The following CXXC4 variants were observed in gnomAD, a reference collection of about 807,000 sequenced individuals.
The protein encoded by CXXC4 is CXXC-type zinc finger protein 4.
A neutral mutation model predicts 20.5 loss-of-function variants in CXXC4; 5 were observed. The observed-to-expected ratio is 0.24, with a 90% CI of 0.13 to 0.51. The LOEUF is 0.51. Ranked by LOEUF, CXXC4 falls within the 20% of genes least tolerant of loss-of-function variation. The pLI, the probability that CXXC4 is intolerant of heterozygous loss-of-function variation, is 0.97. For synonymous variants in CXXC4, 250 were observed against 216.4 expected (o/e 1.16, Z -1.36); for missense variants, 419 against 496.4 (o/e 0.84, Z 1.48).
chr4:104,493,527 C>T (rs1264509106), intron 1 of CXXC4, among the ~76,000 whole-genome samples: 2 of 152,074 alleles, frequency 1.3e-5, no homozygotes, highest in Admixed American at 6.5e-5. Context: ...TGATGAGGTG[C>T]TCTAAAAAGA....
At chr4:104,478,590 A>ATAC (rs1736476655) in intron 2 of CXXC4, among the ~76,000 whole-genome samples, 1 of 152,170 alleles carries the variant, frequency 6.6e-6, no homozygotes, top group South Asian at 2.1e-4. Context: ...TTTCGTAAAA[A>ATAC]TACTTCAAAC....
Position 104,491,557 on chromosome 4 carries a change from C to A in CXXC4, c.246G>T (p.Ala82=). 1 of 1,500,940 alleles carries A rather than the reference C, an allele frequency of 6.7e-7. No individual in the cohort carries two copies. The allele number at this position is 1,500,940 out of a possible 1,614,324, so 93.0% of individuals were successfully genotyped here. ...PSSAAAAAAA[A]RIGMSPWNCD... ...AGTTCCAGGGGGACATGCCGATGCG[C>A]GCGGCGGCCGCGGCGGCGGCGGCGC... Residue 82 remains alanine, a synonymous_variant, in exon 2 of 3, where the codon GCG becomes GCT. Coordinates refer to ENST00000394767, the MANE Select transcript of CXXC4 (RefSeq NM_025212.4).
intron 2 of CXXC4, among the ~76,000 whole-genome samples, chr4:104,479,417 ATATT>A (rs1736499400): frequency 6.6e-6 from 1 of 152,152 alleles, no homozygotes; most frequent in Non-Finnish European, 1.5e-5. Context: ...GATCTGATAA[ATATT>A]TATTTCTTAA....
rs1314277040 is a variant in CXXC4, at chr4:104,471,841, T to C, written c.*481A>G. On this transcript the variant is annotated 3_prime_UTR_variant, in exon 3 of 3. Coordinates refer to ENST00000394767, the MANE Select transcript of CXXC4 (RefSeq NM_025212.4). ...AGATTTAACTTGCAGAACCATACTG[T>C]TGTGTACAAACTGTTAATCTCCATA... 2 of 152,242 alleles carry C rather than the reference T, an allele frequency of 1.3e-5. No homozygotes were observed. Among genetic ancestry groups the C allele is most frequent in the South Asian group, 2.1e-4 (1 of 4,838 alleles). The allele number at this position is 152,242 out of a possible 1,614,324, so 9.4% of individuals were successfully genotyped here.
At chr4:104,493,430 T>C (rs754047327) in intron 1 of CXXC4, among the ~76,000 whole-genome samples, 8 of 152,186 alleles carry the variant, frequency 5.3e-5, no homozygotes, top group Non-Finnish European at 1.2e-4. Context: ...GAGTTCAAAA[T>C]GGTTATCAAT....
intron 2 of CXXC4, among the ~76,000 whole-genome samples, chr4:104,487,536 G>A (rs768753359): frequency 6.6e-5 from 10 of 152,156 alleles, no homozygotes; most frequent in Admixed American, 2.6e-4. Flanking sequence ...GAGACAAAGT[G>A]TTATCATGTA....
At position 104,477,652 on chromosome 4, in the gene CXXC4, G is replaced by T. The variant is rs966032959; in HGVS notation, c.1060-5286C>A. ...AGTAAAGTATAGGCTAATAATATAA[G>T]AGAACTATTAATGATTATCACACAG... On this transcript the variant is annotated intron_variant, in intron 2 of 2. Transcript: ENST00000394767. Among the ~76,000 whole-genome samples, 6 of 151,768 alleles carry T rather than the reference G, an allele frequency of 4.0e-5. No homozygotes were observed. In the South Asian group the frequency reaches 1.2e-3, roughly 32 times the overall value.
At chr4:104,479,771 TTCCCTCCC>T (rs535320231) in intron 2 of CXXC4, among the ~76,000 whole-genome samples, 1 of 144,038 alleles carries the variant, frequency 6.9e-6, no homozygotes, top group African/African-American at 2.5e-5. Flanking sequence ...CCTTCCTTCC[TTCCCTCCC>T]TCCCTCCCTC....
chr4:104,479,846 C>T (rs1736510006), intron 2 of CXXC4, among the ~76,000 whole-genome samples: 2 of 141,664 alleles, frequency 1.4e-5, no homozygotes, highest in Admixed American at 1.4e-4. Flanking sequence ...TCCCTTTATT[C>T]CTTCCTTTCA....
chr4:104,484,552 T>C (rs934830100), intron 2 of CXXC4, among the ~76,000 whole-genome samples: 1 of 151,958 alleles, frequency 6.6e-6, no homozygotes, highest in Non-Finnish European at 1.5e-5. Context: ...TAGTGGGAAA[T>C]AAATGGGTTA....
At position 104,469,324 on chromosome 4, in the gene CXXC4, C is replaced by T. The variant is rs572779132; in HGVS notation, c.*2998G>A. ...CGCCTCAAGTATTTACCATGATCTC[C>T]CCAAATGCTGGCAGATTATGGCATC... On this transcript the variant is annotated 3_prime_UTR_variant, in exon 3 of 3. Transcript: ENST00000394767. 1 of 152,062 alleles carries T rather than the reference C, an allele frequency of 6.6e-6. No homozygotes were observed. The highest frequency in any genetic ancestry group is 2.1e-4 in the South Asian group (1 of 4,816). 9.4% of individuals were successfully genotyped at this position (152,062 alleles called of 1,614,324 possible). A position where few individuals can be genotyped will look rare whatever the true frequency, so the allele number is the denominator to read the frequency against.
chr4:104,491,533 G>A lies in CXXC4; in HGVS notation c.270C>T (p.Asn90=). The change falls in exon 2 of 3, where the codon AAC becomes AAT. Residue 90 remains asparagine, a synonymous_variant. Transcript: ENST00000394767. ...CGGCGGCGGTGGCCGCGTTGTCGCA[G>A]TTCCAGGGGGACATGCCGATGCGCG... ...AAARIGMSPW[N]CDNAATAAAA... 2 of 1,435,556 alleles carry A rather than the reference G, an allele frequency of 1.4e-6. No homozygotes were observed. Among genetic ancestry groups the A allele is most frequent in the South Asian group, 1.4e-5 (1 of 70,500 alleles). 88.9% of individuals were successfully genotyped at this position (1,435,556 alleles called of 1,614,324 possible).
At chr4:104,486,110 CTTTA>C (rs1253959174) in intron 2 of CXXC4, among the ~76,000 whole-genome samples, 7 of 151,848 alleles carry the variant, frequency 4.6e-5, no homozygotes, top group Non-Finnish European at 4.4e-5. Flanking sequence ...ATTTTAATTA[CTTTA>C]TTTTATTATT....
At chr4:104,488,624 T>TGAAGA (rs1450766609) in intron 2 of CXXC4, among the ~76,000 whole-genome samples, 2 of 152,202 alleles carry the variant, frequency 1.3e-5, no homozygotes, top group Non-Finnish European at 2.9e-5. Context: ...CCCCACCTTG[T>TGAAGA]GAAGAGTAAC....
chr4:104,487,002 T>A (rs562715431), intron 2 of CXXC4, among the ~76,000 whole-genome samples: 14 of 152,304 alleles, frequency 9.2e-5, no homozygotes, highest in Non-Finnish European at 1.9e-4. Flanking sequence ...AGAGACAGTA[T>A]TTGAATTTTT....
chr4:104,482,374 C>T (rs540927706), intron 2 of CXXC4, among the ~76,000 whole-genome samples: 2 of 152,284 alleles, frequency 1.3e-5, no homozygotes, highest in East Asian at 3.9e-4. Flanking sequence ...ATGTATTTCT[C>T]TTTCGATGGA....
In CXXC4 at chr4:104,469,438, T is replaced by C. The variant is rs544397148; in HGVS notation, c.*2884A>G. Reference sequence around the variant, plus strand: ...ATTCAGTTTATCTGATATATAATTATTAAGTTGTGTATAGCTGTCCACACA... The same window carrying C: ...ATTCAGTTTATCTGATATATAATTACTAAGTTGTGTATAGCTGTCCACACA... On this transcript the variant is annotated 3_prime_UTR_variant, in exon 3 of 3. Transcript: ENST00000394767. 1 of 152,252 alleles carries C rather than the reference T, an allele frequency of 6.6e-6. No homozygotes were observed. The highest frequency in any genetic ancestry group is 2.4e-5 in the African/African-American group (1 of 41,576). The allele number at this position is 152,252 out of a possible 1,614,324, so 9.4% of individuals were successfully genotyped here.
intron 2 of CXXC4, among the ~76,000 whole-genome samples, chr4:104,480,604 T>C (rs1736528219): frequency 7.1e-6 from 1 of 140,256 alleles, no homozygotes; most frequent in African/African-American, 3.3e-5. Flanking sequence ...AACTAGTTTT[T>C]CCACCATGGT....
intron 2 of CXXC4, among the ~76,000 whole-genome samples, chr4:104,488,650 G>A (rs1395075317): frequency 2.0e-5 from 3 of 152,108 alleles, no homozygotes; most frequent in Non-Finnish European, 4.4e-5. Context: ...TTTTGTGCAT[G>A]AGAATTTTTT....
Sources: gnomAD v4.1 joint callset for allele counts (sites outside exome capture counted in the v4.1 genomes callset) on GRCh38, gnomAD v4.1.1 for gene constraint, MANE v1.5 for transcripts, NCBI Gene and HGNC (gene_info 2026-07-23, HGNC 2026-07-21) for gene names.